The following SIGLEC7 variants were observed in gnomAD, a reference collection of about 807,000 sequenced individuals.
The protein encoded by SIGLEC7 is sialic acid binding Ig like lectin 7, also known as sialic acid-binding Ig-like lectin 7.
Under a neutral mutation model 40.8 loss-of-function variants are expected in SIGLEC7, and 33 were observed. The ratio of observed to expected loss-of-function variants is 0.81; its 90% CI spans 0.61 to 1.08. The LOEUF is 1.08. SIGLEC7 is among the 50% of genes least tolerant of loss of function. The pLI is 0.00. For missense variants in SIGLEC7, 513 were observed against 576.1 expected (o/e 0.89, Z 1.12); for synonymous variants, 242 against 237.6 (o/e 1.02, Z -0.17).
Position 51,144,348 on chromosome 19 carries a change from C to T in SIGLEC7, c.434-58C>T, listed in dbSNP as rs1049972201. On this transcript the variant is annotated intron_variant, in intron 1 of 6. Coordinates refer to ENST00000317643, the MANE Select transcript of SIGLEC7 (RefSeq NM_014385.4). The stretch of plus-strand genomic sequence containing the variant: ...GAAGCTGAACCAGAGCCTGAGCTTC[C>T]CCCAGGGCTGTACCATGGATCCTCT... 24 of 1,541,650 alleles carry T rather than the reference C, an allele frequency of 1.6e-5. No individual in the cohort carries two copies. The African/African-American group carries it at 3.1e-4, about 20-fold the overall frequency.
rs1012423915 is a variant in SIGLEC7, at chr19:51,153,330, C to G, written c.*85C>G. On this transcript the variant is annotated 3_prime_UTR_variant, in exon 7 of 7. Coordinates refer to ENST00000317643, the MANE Select transcript of SIGLEC7 (RefSeq NM_014385.4). ...AGGCTGATTCCAGTAGAATTAGCAG[C>G]CCTCAATGCTGTGCAACAAGACATC... is the stretch of plus-strand genomic sequence containing the variant. 12 of 1,085,442 alleles carry G rather than the reference C, an allele frequency of 1.1e-5. No individual in the cohort carries two copies. Among genetic ancestry groups the G allele is most frequent in the Non-Finnish European group, 1.5e-5 (12 of 774,402 alleles). The allele number at this position is 1,085,442 out of a possible 1,614,324, so 67.2% of individuals were successfully genotyped here.
At chr19:51,152,997 G>C (rs776419441) in intron 6 of SIGLEC7, 66 bp from the exon 7 acceptor site, 842 of 1,341,032 alleles carry the variant, frequency 6.3e-4, no homozygotes, top group Non-Finnish European at 7.0e-4. Flanking sequence ...CAAACAACTT[G>C]TGACTCTCCC....
At chr19:51,147,535 T>G (rs541503126) in intron 6 of SIGLEC7, among the ~76,000 whole-genome samples, 1 of 152,230 alleles carries the variant, frequency 6.6e-6, no homozygotes, top group South Asian at 2.1e-4. Context: ...AGGAGTTATC[T>G]CCTCTCTGTC....
At chr19:51,143,562 T>G (rs1451965601) in intron 1 of SIGLEC7, among the ~76,000 whole-genome samples, 1 of 152,036 alleles carries the variant, frequency 6.6e-6, no homozygotes, top group Non-Finnish European at 1.5e-5. Flanking sequence ...GCTTCAGGGT[T>G]TCCTTCACTC....
chr19:51,142,450 G>T lies in SIGLEC7; in HGVS notation c.81G>T (p.Ser27=), dbSNP rs528193613. 1.9e-6 allele frequency: 3 copies of T among 1,614,172 alleles called. No homozygotes were observed. The highest frequency in any genetic ancestry group is 4.5e-5 in the East Asian group (2 of 44,866). Residue 27 remains serine (S), a synonymous_variant, in exon 1 of 7, where the codon TCG becomes TCT. Coordinates refer to ENST00000317643, the MANE Select transcript of SIGLEC7 (RefSeq NM_014385.4). This position sits in a 1 kb window ranked among gnomAD's most constrained non-coding sequence, Gnocchi z 5.0. ...AGAAGAGTAACCGGAAGGATTACTC[G>T]CTGACGATGCAGAGTTCCGTGACCG... ...EGQKSNRKDY[S]LTMQSSVTVQ...
intron 5 of SIGLEC7, 106 bp from the exon 6 acceptor site, chr19:51,147,115 T>A: frequency 1.3e-6 from 2 of 1,534,422 alleles, no homozygotes; most frequent in Non-Finnish European, 1.8e-6. Context: ...TCCTCCCACC[T>A]CAGTTACCCC....
chr19:51,153,168 C>T lies in SIGLEC7; in HGVS notation c.1327C>T (p.His443Tyr). The change falls in exon 7 of 7, where the codon CAT becomes TAT. Residue 443 changes from histidine to tyrosine, a missense_variant. Physicochemically the swap from His to Tyr is moderately conservative, Grantham distance 83. Transcript: ENST00000317643. ...GATCCAGTATGCACCCCTCAGCTTT[C>T]ATAAGGGGGAGCCTCAGGACCTATC... ...REIQYAPLSF[H>Y]KGEPQDLSGQ... 1.2e-6 allele frequency: 2 copies of T among 1,610,090 alleles called. No individual in the cohort carries two copies. The highest frequency in any genetic ancestry group is 1.1e-5 in the South Asian group (1 of 89,782).
chr19:51,153,336 A>G lies in SIGLEC7; in HGVS notation c.*91A>G, dbSNP rs1293318222. On this transcript the variant is annotated 3_prime_UTR_variant, in exon 7 of 7. Coordinates refer to ENST00000317643, the MANE Select transcript of SIGLEC7 (RefSeq NM_014385.4). Reference sequence around the variant, plus strand: ...ATTCCAGTAGAATTAGCAGCCCTCAATGCTGTGCAACAAGACATCAGAACT... The same window carrying G: ...ATTCCAGTAGAATTAGCAGCCCTCAGTGCTGTGCAACAAGACATCAGAACT... The G allele has an allele frequency of 2.9e-6, 3 of 1,026,516 alleles. No individual in the cohort carries two copies. The highest frequency in any genetic ancestry group is 4.2e-6 in the Non-Finnish European group (3 of 721,536). The allele number at this position is 1,026,516 out of a possible 1,614,324, so 63.6% of individuals were successfully genotyped here. A position where few individuals can be genotyped will look rare whatever the true frequency, so the allele number is the denominator to read the frequency against.
chr19:51,151,764 T>C (rs970624281), intron 6 of SIGLEC7, among the ~76,000 whole-genome samples: 3 of 152,212 alleles, frequency 2.0e-5, no homozygotes, highest in Admixed American at 1.3e-4. Context: ...CTCAGCCACT[T>C]AAGTGGTAGT....
chr19:51,146,625 C>G, intron 4 of SIGLEC7, 129 bp from the exon 5 acceptor site: 1 of 719,222 alleles, frequency 1.4e-6, no homozygotes, highest in Admixed American at 2.5e-5. Context: ...CCTCCTCCCT[C>G]CCATTCTTGC....
chr19:51,143,911 C>A, intron 1 of SIGLEC7: 1 of 461,304 alleles, frequency 2.2e-6, no homozygotes. Context: ...CTGTGCCCTG[C>A]AGTGTCCTTT....
intron 1 of SIGLEC7, among the ~76,000 whole-genome samples, chr19:51,143,474 G>A (rs1374540806): frequency 2.6e-5 from 4 of 152,262 alleles, no homozygotes; most frequent in Non-Finnish European, 2.9e-5. Context: ...TGCAGGCCCT[G>A]GTGCTCCAGG....
rs1445578966 is a variant in SIGLEC7, at chr19:51,146,041, G to A, written c.947G>A (p.Gly316Glu). ...CTGCAAGTGCACCTGGGGGATGAAGGGGAATTCACCTGTCGAGCTCAGAAC... is the reference window on the plus strand; with the variant it reads ...CTGCAAGTGCACCTGGGGGATGAAGAGGAATTCACCTGTCGAGCTCAGAAC... ...LELQVHLGDE[G>E]EFTCRAQNSL... Residue 316 changes from glycine (G) to glutamate (E), a missense_variant, in exon 4 of 7, where the codon GGG (glycine) becomes GAG (glutamate). Coordinates refer to ENST00000317643, the MANE Select transcript of SIGLEC7 (RefSeq NM_014385.4). 3.7e-6 allele frequency: 6 copies of A among 1,614,094 alleles called. No individual in the cohort carries two copies. Among genetic ancestry groups the A allele is most frequent in the Non-Finnish European group, 5.1e-6 (6 of 1,180,038 alleles).
intron 6 of SIGLEC7, among the ~76,000 whole-genome samples, chr19:51,151,676 G>T (rs1007698547): frequency 3.3e-5 from 5 of 152,238 alleles, no homozygotes; most frequent in Admixed American, 3.3e-4. Context: ...AAGGCCTTCT[G>T]TGTAGGGAAG....
intron 4 of SIGLEC7, 101 bp from the exon 5 acceptor site, chr19:51,146,653 G>T (rs894447417): frequency 4.2e-6 from 4 of 954,610 alleles, no homozygotes; most frequent in Non-Finnish European, 4.8e-6. Flanking sequence ...TTCTGGGAAG[G>T]GGGATTAGGG....
At chr19:51,152,372 C>T (rs963334571) in intron 6 of SIGLEC7, among the ~76,000 whole-genome samples, 33 of 152,230 alleles carry the variant, frequency 2.2e-4, no homozygotes, top group Non-Finnish European at 7.4e-5. Flanking sequence ...AGCAATGTAA[C>T]GTAACAGATT....
intron 6 of SIGLEC7, among the ~76,000 whole-genome samples, chr19:51,150,494 T>C (rs1350037451): frequency 6.6e-6 from 1 of 152,206 alleles, no homozygotes; most frequent in East Asian, 1.9e-4. Context: ...CTTGATCATA[T>C]TGGATTAACC....
intron 6 of SIGLEC7, among the ~76,000 whole-genome samples, chr19:51,149,245 C>T (rs976862298): frequency 5.3e-5 from 8 of 152,104 alleles, no homozygotes; most frequent in Non-Finnish European, 8.8e-5. Flanking sequence ...TTATCCAGAA[C>T]GATATTGCCT....
rs758580958 is a variant in SIGLEC7, at chr19:51,147,275, A to T, written c.1179A>T (p.Ile393=). Residue 393 remains isoleucine, a synonymous_variant, in exon 6 of 7, where the codon ATA becomes ATT. Transcript: ENST00000317643. The part of the protein sequence containing the change: ...SARPAADVGD[I]GMKDANTIRG... ...GGCCAGCAGCGGACGTGGGAGACAT[A>T]GGCATGAAGGATGCAAACACCATCA... 1.2e-6 allele frequency: 2 copies of T among 1,612,242 alleles called. No homozygotes were observed. Among genetic ancestry groups the T allele is most frequent in the African/African-American group, 2.7e-5 (2 of 74,876 alleles).
Sources: allele counts gnomAD v4.1 joint callset (sites outside exome capture counted in the v4.1 genomes callset), GRCh38; gene constraint gnomAD v4.1.1; non-coding constraint Gnocchi (gnomAD v3.1); transcripts MANE v1.5; gene names NCBI Gene and HGNC (gene_info 2026-07-23, HGNC 2026-07-21).